The following L3MBTL4 variants were observed in gnomAD, a reference collection of about 807,000 sequenced individuals.
L3MBTL4 encodes the protein L3MBTL histone methyl-lysine binding protein 4, also known as lethal(3)malignant brain tumor-like protein 4.
In L3MBTL4, 70 loss-of-function variants were observed where a neutral mutation model predicts 84.5. That is an observed-to-expected ratio of 0.83 (90% CI 0.68 to 1.01). L3MBTL4 has a LOEUF of 1.01. L3MBTL4 is among the 50% of genes least tolerant of loss of function. L3MBTL4 has a pLI of 0.00. For missense variants in L3MBTL4, 715 were observed against 754.8 expected (o/e 0.95, Z 0.62); for synonymous variants, 274 against 259.8 (o/e 1.05, Z -0.52).
intron 16 of L3MBTL4, among the ~76,000 whole-genome samples, chr18:6,078,627 G>C (rs551589345): frequency 7.2e-4 from 110 of 152,068 alleles, no homozygotes; most frequent in African/African-American, 2.6e-3. Context: ...TATAATAATG[G>C]GGATTAGTCC....
intron 14 of L3MBTL4, among the ~76,000 whole-genome samples, chr18:6,133,131 TGAGAGGGCACAGTGTGCCA>T (rs2059924472): frequency 6.6e-6 from 1 of 152,152 alleles, no homozygotes; most frequent in Admixed American, 6.5e-5. Context: ...AATACTACAA[TGAGAGGGCACAGTGTGCCA>T]GGCTCTCTGA....
chr18:6,363,932 C>G (rs1442797188), intron 1 of L3MBTL4, among the ~76,000 whole-genome samples: 1 of 151,816 alleles, frequency 6.6e-6, no homozygotes, highest in East Asian at 1.9e-4. Flanking sequence ...CGACATCTAA[C>G]AGCTGGGAAA....
chr18:6,190,115 T>C (rs1320812805), intron 12 of L3MBTL4, among the ~76,000 whole-genome samples: 1 of 151,918 alleles, frequency 6.6e-6, no homozygotes, highest in Admixed American at 6.6e-5. Flanking sequence ...ACAAAAGATA[T>C]AGAGATTGCC....
intron 16 of L3MBTL4, among the ~76,000 whole-genome samples, chr18:5,998,176 A>T (rs1321596462): frequency 1.3e-5 from 2 of 152,184 alleles, no homozygotes; most frequent in Non-Finnish European, 2.9e-5. Context: ...TTAGGTGGCC[A>T]GGTATGGCCG....
chr18:6,341,441 A>C (rs910430267), intron 1 of L3MBTL4, among the ~76,000 whole-genome samples: 1 of 152,080 alleles, frequency 6.6e-6, no homozygotes, highest in Non-Finnish European at 1.5e-5. Flanking sequence ...CACACCTTTA[A>C]AAAGAACCAA....
chr18:6,079,983 A>G (rs1366921242), intron 16 of L3MBTL4: 2 of 152,234 alleles, frequency 1.3e-5, no homozygotes, highest in East Asian at 1.9e-4. Context: ...AATTCCTCCA[A>G]CACAAGCAAG....
intron 13 of L3MBTL4, among the ~76,000 whole-genome samples, chr18:6,142,796 C>T (rs2060237462): frequency 6.6e-6 from 1 of 152,074 alleles, no homozygotes; most frequent in Non-Finnish European, 1.5e-5. Context: ...GTGGCATGTA[C>T]CGATAGTCCT....
intron 17 of L3MBTL4, chr18:5,960,486 G>A (rs1343767248): frequency 6.1e-6 from 1 of 163,616 alleles, no homozygotes; most frequent in Non-Finnish European, 1.3e-5. Flanking sequence ...GGCGAGGCCA[G>A]TGGTCTTGTG....
chr18:6,211,480 G>C (rs2046100602), intron 12 of L3MBTL4, among the ~76,000 whole-genome samples: 3 of 152,106 alleles, frequency 2.0e-5, no homozygotes, highest in African/African-American at 7.2e-5. Flanking sequence ...AATGTACTGG[G>C]CAAAGCTGAG....
chr18:6,167,245 G>A (rs193108888), intron 13 of L3MBTL4, among the ~76,000 whole-genome samples: 1 of 152,248 alleles, frequency 6.6e-6, no homozygotes, highest in Non-Finnish European at 1.5e-5. Context: ...TTCTACCAGA[G>A]GTACAAGGAG....
At chr18:5,960,363 C>G (rs1194690704) in intron 17 of L3MBTL4, among the ~76,000 whole-genome samples, 1 of 152,154 alleles carries the variant, frequency 6.6e-6, no homozygotes, top group Admixed American at 6.5e-5. Context: ...ACCGGGCTGA[C>G]CTGCAGAGGG....
At chr18:6,238,559 A>G (rs897211476) in intron 9 of L3MBTL4, among the ~76,000 whole-genome samples, 2 of 152,140 alleles carry the variant, frequency 1.3e-5, no homozygotes, top group African/African-American at 4.8e-5. Flanking sequence ...AAATTAACAG[A>G]GGATTGCCAA....
chr18:5,972,912 TA>T (rs1567933983), intron 16 of L3MBTL4, among the ~76,000 whole-genome samples: 32 of 23,222 alleles, frequency 1.4e-3, no homozygotes, highest in Non-Finnish European at 2.1e-3. Flanking sequence ...TAGAATAGAA[TA>T]GAATAGAATA....
chr18:6,136,259 A>G (rs1294934969), intron 14 of L3MBTL4, among the ~76,000 whole-genome samples: 1 of 152,182 alleles, frequency 6.6e-6, no homozygotes, highest in Non-Finnish European at 1.5e-5. Context: ...GCCCCTCCCA[A>G]GTGCTGGCAG....
At chr18:6,114,218 G>A (rs908376390) in intron 14 of L3MBTL4, among the ~76,000 whole-genome samples, 1 of 152,200 alleles carries the variant, frequency 6.6e-6, no homozygotes, top group African/African-American at 2.4e-5. Flanking sequence ...ACTTGAAGGA[G>A]ATAAGAGCAG....
intron 13 of L3MBTL4, among the ~76,000 whole-genome samples, chr18:6,145,589 T>TTA (rs1327508835): frequency 6.6e-6 from 1 of 151,264 alleles, no homozygotes; most frequent in African/African-American, 2.4e-5. Context: ...TTAGCAAGTT[T>TTA]TTTTTTTTTT....
rs36091567 is a variant in L3MBTL4, at chr18:6,099,585, A to AATATATATAT, written c.1200-6067_1200-6058dup. The stretch of plus-strand genomic sequence containing the variant: ...TATCTATAGATAGATAGATAATGTA[A>AATATATATAT]ATATATATATATATATATATATGGA... On this transcript the variant is annotated intron_variant, in intron 14 of 18. Transcript: ENST00000317931. Among the ~76,000 whole-genome samples the AATATATATAT allele has an allele frequency of 7.8e-3, 505 of 64,728 alleles. 122 individuals carry two copies. The highest frequency in any genetic ancestry group is 0.021 in the East Asian group (21 of 1,024). 42.5% of individuals were successfully genotyped at this position (64,728 alleles called of 152,430 possible).
intron 16 of L3MBTL4, among the ~76,000 whole-genome samples, chr18:6,009,454 G>T (rs1360760433): frequency 6.6e-6 from 1 of 152,126 alleles, no homozygotes; most frequent in Non-Finnish European, 1.5e-5. Flanking sequence ...CAATGCTTAT[G>T]CTTCCAAAGT....
chr18:6,199,406 C>G (rs1294197328), intron 12 of L3MBTL4, among the ~76,000 whole-genome samples: 1 of 152,220 alleles, frequency 6.6e-6, no homozygotes, highest in African/African-American at 2.4e-5. Context: ...AAGTGCCCAA[C>G]AGCCACATGC....
Sources: gnomAD v4.1 joint callset for allele counts (sites outside exome capture counted in the v4.1 genomes callset) on GRCh38, gnomAD v4.1.1 for gene constraint, MANE v1.5 for transcripts, NCBI Gene and HGNC (gene_info 2026-07-23, HGNC 2026-07-21) for gene names.